The following EMP2 variants were observed in gnomAD, a reference collection of about 807,000 sequenced individuals.
EMP2 encodes epithelial membrane protein 2.
A neutral mutation model predicts 13.7 loss-of-function variants in EMP2; 19 were observed. That is an observed-to-expected ratio of 1.38 (90% CI 0.97 to 2.03). The LOEUF (loss-of-function observed/expected upper bound fraction) is 2.03, where lower values mean the gene tolerates loss of function less well. Among genes scored for constraint, EMP2 ranks in the 30% most tolerant of loss-of-function variants. The pLI, the probability that EMP2 is intolerant of heterozygous loss-of-function variation, is 0.00. For synonymous variants in EMP2, 97 were observed against 84.7 expected (o/e 1.15, Z -0.80); for missense variants, 253 against 220.7 (o/e 1.15, Z -0.93).
intron 1 of EMP2, among the ~76,000 whole-genome samples, chr16:10,570,916 A>C (rs2050942493): frequency 6.6e-6 from 1 of 151,924 alleles, no homozygotes; most frequent in Non-Finnish European, 1.5e-5. Flanking sequence ...GAAGAAGAAG[A>C]AGGGCGAGGG....
At chr16:10,559,380 T>C (rs796311314) in intron 1 of EMP2, among the ~76,000 whole-genome samples, 1 of 152,256 alleles carries the variant, frequency 6.6e-6, no homozygotes, top group East Asian at 1.9e-4. Flanking sequence ...CCCAGCTCCA[T>C]GCTCACTGTG....
At chr16:10,569,300 C>T (rs890337355) in intron 1 of EMP2, among the ~76,000 whole-genome samples, 1 of 152,132 alleles carries the variant, frequency 6.6e-6, no homozygotes, top group African/African-American at 2.4e-5. Context: ...ACACATTAAG[C>T]TTAAATTGAT....
intron 4 of EMP2, among the ~76,000 whole-genome samples, 181 bp downstream of exon 4, chr16:10,537,747 A>G (rs915758993): frequency 1.3e-5 from 2 of 148,440 alleles, no homozygotes; most frequent in African/African-American, 5.2e-5. Flanking sequence ...ACTGTGGTAC[A>G]GCATGCATGC....
At chr16:10,570,760 C>CA (rs1422501381) in intron 1 of EMP2, among the ~76,000 whole-genome samples, 4 of 152,156 alleles carry the variant, frequency 2.6e-5, no homozygotes, top group Admixed American at 1.3e-4. Flanking sequence ...AGGCTGGTCT[C>CA]AAACTCCTGG....
At chr16:10,557,184 C>T (rs542863307) in intron 1 of EMP2, among the ~76,000 whole-genome samples, 1 of 152,148 alleles carries the variant, frequency 6.6e-6, no homozygotes, top group East Asian at 1.9e-4. Context: ...TGGCAAAACG[C>T]TGTCTCTACT....
rs777539074 is a variant in EMP2 at position 10,532,859 on chromosome 16, G to A, written c.*46C>T. On this transcript the variant is annotated 3_prime_UTR_variant, in exon 5 of 5. Coordinates refer to ENST00000359543, the MANE Select transcript of EMP2 (RefSeq NM_001424.6). ...ATGATTATATACAAAATGGTTATCT[G>A]AATGTGGATTCTGTACTGCAGCAGA... The A allele has an allele frequency of 2.7e-6, 3 of 1,119,212 alleles. No homozygotes were observed. The highest frequency in any genetic ancestry group is 2.2e-6 in the Non-Finnish European group (2 of 900,242). 69.3% of individuals were successfully genotyped at this position (1,119,212 alleles called of 1,614,324 possible).
chr16:10,542,831 C>G (rs1567202447), intron 3 of EMP2, among the ~76,000 whole-genome samples: 2 of 152,088 alleles, frequency 1.3e-5, no homozygotes, highest in Non-Finnish European at 1.5e-5. Flanking sequence ...TGTCTAGGAA[C>G]GGAAGCCAGA....
intron 4 of EMP2, among the ~76,000 whole-genome samples, chr16:10,534,701 G>A (rs921506662): frequency 2.6e-5 from 4 of 152,244 alleles, no homozygotes; most frequent in African/African-American, 9.6e-5. Context: ...GGAAGGCGGA[G>A]GTTGCAGCGA....
chr16:10,547,955 G>A (rs2050752365), intron 1 of EMP2, among the ~76,000 whole-genome samples: 1 of 152,110 alleles, frequency 6.6e-6, no homozygotes, highest in Admixed American at 6.5e-5. Flanking sequence ...GATTGCTTGA[G>A]ACTGGGAGGT....
chr16:10,541,243 A>G (rs2050696118), intron 3 of EMP2, among the ~76,000 whole-genome samples: 1 of 151,814 alleles, frequency 6.6e-6, no homozygotes, highest in Non-Finnish European at 1.5e-5. Flanking sequence ...TCTCCACTAA[A>G]TACAGTAGAT....
chr16:10,536,680 C>T (rs1230356710), intron 4 of EMP2, among the ~76,000 whole-genome samples: 1 of 152,186 alleles, frequency 6.6e-6, no homozygotes, highest in Non-Finnish European at 1.5e-5. Context: ...ACAAGTGGTA[C>T]AGCACCCCAC....
intron 4 of EMP2, 28 bp from the exon 5 acceptor site, chr16:10,533,120 T>C (rs756513088): frequency 6.6e-7 from 1 of 1,525,240 alleles, no homozygotes; most frequent in South Asian, 1.3e-5. Context: ...GAATTTTCAA[T>C]AAATCATGGA....
In EMP2 at chr16:10,537,983, G is replaced by A. The variant is rs1394309250; in HGVS notation, c.261C>T (p.Phe87=). 1.9e-6 allele frequency: 3 copies of A among 1,614,112 alleles called. No individual in the cohort carries two copies. The highest frequency in any genetic ancestry group is 2.2e-5 in the South Asian group (2 of 91,066). The change falls in exon 4 of 5, where the codon TTC becomes TTT. Residue 87 remains phenylalanine (F), a synonymous_variant. Transcript: ENST00000359543. ...IAFFIFVLQL[F]RLKQGERFVL... is the part of the protein sequence containing the mutation. Reference sequence around the variant, plus strand: ...CAAACCTCTCTCCCTGCTTCAGGCGGAAGAGCTGGAGCACGAAGATGAAGA... The same window carrying A: ...CAAACCTCTCTCCCTGCTTCAGGCGAAAGAGCTGGAGCACGAAGATGAAGA...
At position 10,529,383 on chromosome 16, in the gene EMP2, C is replaced by A. The variant is rs545270990; in HGVS notation, c.*3522G>T. ...ATTTTGTCATTTCTTTCCAACTTCC[C>A]AAATGCATGTCATACAGCAGGGAAG... is the stretch of plus-strand genomic sequence containing the variant. On this transcript the variant is annotated 3_prime_UTR_variant, in exon 5 of 5. Transcript: ENST00000359543. The A allele has an allele frequency of 6.6e-6, 1 of 152,058 alleles. No homozygotes were observed. Among genetic ancestry groups the A allele is most frequent in the South Asian group, 2.1e-4 (1 of 4,816 alleles). 9.4% of individuals were successfully genotyped at this position (152,058 alleles called of 1,614,324 possible). A position where few individuals can be genotyped will look rare whatever the true frequency, so the allele number is the denominator to read the frequency against.
At chr16:10,564,672 G>C (rs2050895513) in intron 1 of EMP2, among the ~76,000 whole-genome samples, 1 of 151,864 alleles carries the variant, frequency 6.6e-6, no homozygotes, top group South Asian at 2.1e-4. Flanking sequence ...TCCCCAGAAA[G>C]CCAGTGTTCT....
chr16:10,559,950 C>T (rs1489849640), intron 1 of EMP2, among the ~76,000 whole-genome samples: 2 of 152,186 alleles, frequency 1.3e-5, no homozygotes, highest in Non-Finnish European at 2.9e-5. Flanking sequence ...CCTGGGATTA[C>T]AGGCGTGAGC....
rs1232389822 is a variant in EMP2, at chr16:10,580,134, C to T, written c.-61+415G>A. 1.3e-5 allele frequency among the ~76,000 whole-genome samples: 2 copies of T among 152,180 alleles called. No individual in the cohort carries two copies. The highest frequency in any genetic ancestry group is 4.8e-5 in the African/African-American group (2 of 41,460). ...AGAGGGGTACGCAGCCCAGGAGGAC[C>T]CGCTGGCCCGGCCTGGCGCACCAGT... On this transcript the variant is annotated intron_variant, in intron 1 of 4. Coordinates refer to ENST00000359543, the MANE Select transcript of EMP2 (RefSeq NM_001424.6). The surrounding 1 kb of genome is among the most constrained non-coding windows in gnomAD (Gnocchi z 4.3).
rs2050611643 is a variant in EMP2, at chr16:10,532,532, C to G, written c.*373G>C. 1 of 153,942 alleles carries G rather than the reference C, an allele frequency of 6.5e-6. No homozygotes were observed. The highest frequency in any genetic ancestry group is 2.1e-4 in the South Asian group (1 of 4,846). The allele number at this position is 153,942 out of a possible 1,614,324, so 9.5% of individuals were successfully genotyped here. A position where few individuals can be genotyped will look rare whatever the true frequency, so the allele number is the denominator to read the frequency against. ...CAGCTGAAACCCATAGGAAGCACGT[C>G]CCCAGAGACCCGGCTTTCCCAGCCT... On this transcript the variant is annotated 3_prime_UTR_variant, in exon 5 of 5. Coordinates refer to ENST00000359543, the MANE Select transcript of EMP2 (RefSeq NM_001424.6).
intron 1 of EMP2, among the ~76,000 whole-genome samples, chr16:10,547,893 G>A (rs1388497287): frequency 6.6e-6 from 1 of 151,980 alleles, no homozygotes; most frequent in East Asian, 1.9e-4. Flanking sequence ...AAATTAGCTG[G>A]GCGTGGTCGT....
Sources: gnomAD v4.1 joint callset for allele counts (sites outside exome capture counted in the v4.1 genomes callset) on GRCh38, gnomAD v4.1.1 for gene constraint, Gnocchi (gnomAD v3.1) non-coding constraint, MANE v1.5 for transcripts, NCBI Gene and HGNC (gene_info 2026-07-23, HGNC 2026-07-21) for gene names.